Variants in PTGER3 observed in about 807,000 individuals in gnomAD.
PTGER3 encodes the protein prostaglandin E2 receptor EP3 subtype.
Under a neutral mutation model 34.7 loss-of-function variants are expected in PTGER3, and 22 were observed. The observed-to-expected ratio is 0.63, with a 90% CI of 0.45 to 0.91. The LOEUF (loss-of-function observed/expected upper bound fraction) is 0.91. PTGER3 is among the 40% of genes least tolerant of loss of function. PTGER3 has a pLI of 0.00. For missense variants in PTGER3, 468 were observed against 519.4 expected (o/e 0.90, Z 0.96); for synonymous variants, 241 against 230.1 (o/e 1.05, Z -0.43).
At chr1:70,930,966 G>A (rs1485087256) in intron 4 of PTGER3, among the ~76,000 whole-genome samples, 1 of 152,046 alleles carries the variant, frequency 6.6e-6, no homozygotes, top group Non-Finnish European at 1.5e-5. Context: ...ACAGTCCAAA[G>A]TCTCATCTAA....
At chr1:70,911,767 C>T (rs1471594317) in intron 4 of PTGER3, among the ~76,000 whole-genome samples, 1 of 152,090 alleles carries the variant, frequency 6.6e-6, no homozygotes, top group East Asian at 1.9e-4. Flanking sequence ...TACAACGTAA[C>T]TCGAAATAAA....
At chr1:70,969,690 C>T (rs1052455632), downstream of PTGER3, among the ~76,000 whole-genome samples, 1 of 152,020 alleles carries the variant, frequency 6.6e-6, no homozygotes, top group African/African-American at 2.4e-5. Context: ...TTTGCATGGA[C>T]AAAAATTATC....
chr1:70,879,088 G>T (rs1459600851), intron 4 of PTGER3, among the ~76,000 whole-genome samples: 1 of 152,084 alleles, frequency 6.6e-6, no homozygotes, highest in Admixed American at 6.6e-5. Flanking sequence ...TCCTAGTATT[G>T]TTGTGTGGTT....
At chr1:70,968,432 T>G (rs542526508), downstream of PTGER3, among the ~76,000 whole-genome samples, 1 of 151,634 alleles carries the variant, frequency 6.6e-6, no homozygotes, top group East Asian at 1.9e-4. Context: ...CTTACTTTAT[T>G]TTGAGGGTTA....
chr1:70,931,637 G>A (rs180673275), intron 4 of PTGER3, among the ~76,000 whole-genome samples: 1 of 152,334 alleles, frequency 6.6e-6, no homozygotes, highest in East Asian at 1.9e-4. Context: ...TTTGGGGCTT[G>A]CACCAACTGA....
chr1:70,871,006 T>C (rs1272575185), intron 4 of PTGER3, among the ~76,000 whole-genome samples: 1 of 152,226 alleles, frequency 6.6e-6, no homozygotes, highest in Non-Finnish European at 1.5e-5. Flanking sequence ...TGGGTATCTA[T>C]CTTTATAGCA....
intron 4 of PTGER3, among the ~76,000 whole-genome samples, chr1:70,892,597 T>C (rs867498710): frequency 3.9e-5 from 6 of 151,968 alleles, no homozygotes; most frequent in Non-Finnish European, 8.8e-5. Flanking sequence ...TCCCAGCACT[T>C]TGGGAGGCTG....
intron 4 of PTGER3, among the ~76,000 whole-genome samples, chr1:70,916,025 TAACTC>T (rs1294571392): frequency 1.1e-4 from 17 of 151,470 alleles, no homozygotes; most frequent in Admixed American, 4.6e-4. Context: ...ATAAGGAACT[TAACTC>T]AACAAGCAAA....
intron 4 of PTGER3, among the ~76,000 whole-genome samples, chr1:70,864,199 T>C (rs1001561417): frequency 6.6e-6 from 1 of 152,092 alleles, no homozygotes; most frequent in Admixed American, 6.5e-5. Context: ...TTTTTTTTTA[T>C]ATTAGTCAAA....
chr1:70,928,026 A>C (rs1648282086), intron 4 of PTGER3, among the ~76,000 whole-genome samples: 1 of 151,900 alleles, frequency 6.6e-6, no homozygotes, highest in Non-Finnish European at 1.5e-5. Flanking sequence ...ACGTTTATCT[A>C]CTAGGTACTA....
chr1:70,877,655 C>T (rs1646301493), intron 4 of PTGER3, among the ~76,000 whole-genome samples: 1 of 152,110 alleles, frequency 6.6e-6, no homozygotes, highest in South Asian at 2.1e-4. Context: ...GGGTTTTTAG[C>T]ATGAAGGGAT....
At chr1:71,009,597 A>G (rs1657267581) in intron 2 of PTGER3, 1 of 984,986 alleles carries the variant, frequency 1.0e-6, no homozygotes, top group Non-Finnish European at 1.2e-6. Context: ...TGTTTGGAAA[A>G]TCAACACTAC....
intron 4 of PTGER3, among the ~76,000 whole-genome samples, chr1:70,925,230 C>T (rs1309066006): frequency 6.6e-6 from 1 of 152,192 alleles, no homozygotes; most frequent in Non-Finnish European, 1.5e-5. Flanking sequence ...GTCTTGAACT[C>T]CTGACCTCAG....
intron 4 of PTGER3, among the ~76,000 whole-genome samples, chr1:70,921,921 G>A (rs999744592): frequency 1.3e-5 from 2 of 152,132 alleles, no homozygotes; most frequent in Non-Finnish European, 2.9e-5. Context: ...CAAATATTTT[G>A]TCAGAAAAGT....
chr1:70,914,659 C>A (rs959869385), intron 4 of PTGER3, among the ~76,000 whole-genome samples: 22 of 151,954 alleles, frequency 1.4e-4, no homozygotes, highest in African/African-American at 5.1e-4. Flanking sequence ...ATTATCTACT[C>A]AACTGAGGTG....
intron 2 of PTGER3, among the ~76,000 whole-genome samples, chr1:71,003,802 C>T (rs79023725): frequency 0.092 from 13,966 of 152,184 alleles, 794 homozygotes; most frequent in African/African-American, 0.15. Flanking sequence ...CCTAACCAAA[C>T]GTGGAAAGCT....
intron 1 of PTGER3, among the ~76,000 whole-genome samples, chr1:71,022,091 C>T (rs1427863590): frequency 6.6e-6 from 1 of 151,792 alleles, no homozygotes; most frequent in African/African-American, 2.4e-5. Flanking sequence ...TATCTATTTT[C>T]TTCTCTGTAT....
At chr1:70,892,204 C>CT (rs1250051320) in intron 4 of PTGER3, among the ~76,000 whole-genome samples, 1 of 152,166 alleles carries the variant, frequency 6.6e-6, no homozygotes, top group Non-Finnish European at 1.5e-5. Flanking sequence ...AATTCTATCA[C>CT]TTATGAGCTG....
At chr1:70,909,961 G>A (rs558281837) in intron 4 of PTGER3, among the ~76,000 whole-genome samples, 3 of 152,228 alleles carry the variant, frequency 2.0e-5, no homozygotes, top group Non-Finnish European at 2.9e-5. Flanking sequence ...AAACACATAA[G>A]AATACAACCT....
Sources: allele counts gnomAD v4.1 joint callset (sites outside exome capture counted in the v4.1 genomes callset), GRCh38; gene constraint gnomAD v4.1.1; transcripts MANE v1.5; gene names NCBI Gene and HGNC (gene_info 2026-07-23, HGNC 2026-07-21).